PCDHGA6: variants seen among roughly 807,000 people sequenced by gnomAD.
PCDHGA6 encodes the protein protocadherin gamma-A6.
In PCDHGA6, 41 loss-of-function variants were observed where a neutral mutation model predicts 60.6. That is an observed-to-expected ratio of 0.68 (90% CI 0.53 to 0.88). The LOEUF (loss-of-function observed/expected upper bound fraction) is 0.88, where lower values mean the gene tolerates loss of function less well. Among genes scored for constraint, PCDHGA6 ranks in the 40% least tolerant of loss-of-function variants. PCDHGA6 has a pLI of 0.00. For synonymous variants in PCDHGA6, 594 were observed against 524.4 expected (o/e 1.13, Z -1.81); for missense variants, 1,312 against 1,203.0 (o/e 1.09, Z -1.34).
At chr5:141,427,198 T>G (rs1345851173) in intron 1 of PCDHGA6, 1 of 456,584 alleles carries the variant, frequency 2.2e-6, no homozygotes, top group African/African-American at 2.0e-5. Flanking sequence ...AAAGACTTAA[T>G]AGACTTCGAA....
At chr5:141,395,105 G>A in intron 1 of PCDHGA6, 1 of 1,614,220 alleles carries the variant, frequency 6.2e-7, no homozygotes, top group East Asian at 2.2e-5. Context: ...CCGACTCGCG[G>A]AAGAGTCACC....
At position 141,394,369 on chromosome 5, in the gene PCDHGA6, C is replaced by T. The variant is rs183754735; in HGVS notation, c.2424+17862C>T. On this transcript the variant is annotated intron_variant, in intron 1 of 3. Transcript: ENST00000517434. Reference sequence around the variant, plus strand: ...ACCGGTGTCCTGTATGCGCTGCAATCTTTCGACTATGAGCAGATCCGAGAC... The same window carrying T: ...ACCGGTGTCCTGTATGCGCTGCAATTTTTCGACTATGAGCAGATCCGAGAC... 3.7e-5 allele frequency: 59 copies of T among 1,614,206 alleles called. No homozygotes were observed. Among genetic ancestry groups the T allele is most frequent in the Middle Eastern group, 1.6e-4 (1 of 6,062 alleles).
intron 1 of PCDHGA6, among the ~76,000 whole-genome samples, chr5:141,436,701 A>C (rs571525375): frequency 6.9e-4 from 105 of 152,332 alleles, no homozygotes; most frequent in Non-Finnish European, 9.4e-4. Context: ...ATGCCAGCAC[A>C]CTCGATGTTC....
At chr5:141,421,520 A>G (rs749034718) in intron 1 of PCDHGA6, 2 of 1,614,068 alleles carry the variant, frequency 1.2e-6, no homozygotes, top group Non-Finnish European at 8.5e-7. Flanking sequence ...GAGCTCTGTG[A>G]GACGGTGTCC....
In PCDHGA6 at chr5:141,485,031, C is replaced by A; in HGVS notation, c.2425-9776C>A. On this transcript the variant is annotated intron_variant, in intron 1 of 3. Coordinates refer to ENST00000517434, the MANE Select transcript of PCDHGA6 (RefSeq NM_018919.3). The surrounding 1 kb of genome is among the most constrained non-coding windows in gnomAD (Gnocchi z 5.7). Reference sequence around the variant, plus strand: ...TACCCCGCCACCAGCAAAAACGGCGCGTAACCCTTGCGGCGCCGGCCGAAC... The same window carrying A: ...TACCCCGCCACCAGCAAAAACGGCGAGTAACCCTTGCGGCGCCGGCCGAAC... The A allele has an allele frequency of 1.5e-6, 1 of 680,514 alleles. No homozygotes were observed. Among genetic ancestry groups the A allele is most frequent in the South Asian group, 1.8e-5 (1 of 54,868 alleles). 42.2% of individuals were successfully genotyped at this position (680,514 alleles called of 1,614,324 possible). A position where few individuals can be genotyped will look rare whatever the true frequency, so the allele number is the denominator to read the frequency against.
At position 141,484,465 on chromosome 5, in the gene PCDHGA6, A is replaced by G. The variant is rs2099596840; in HGVS notation, c.2425-10342A>G. On this transcript the variant is annotated intron_variant, in intron 1 of 3. Coordinates refer to ENST00000517434, the MANE Select transcript of PCDHGA6 (RefSeq NM_018919.3). ...ATTTAATTGGCTACGTTAATGTGTA[A>G]GCCTTTTCTGCAAAGAGATGGATCC... is the stretch of plus-strand genomic sequence containing the variant. Among the ~76,000 whole-genome samples, 4 of 152,236 alleles carry G rather than the reference A, an allele frequency of 2.6e-5. No individual in the cohort carries two copies. In the South Asian group the frequency reaches 6.2e-4, roughly 24 times the overall value.
intron 1 of PCDHGA6, among the ~76,000 whole-genome samples, chr5:141,463,393 C>CA (rs955461719): frequency 5.7e-5 from 8 of 140,804 alleles, no homozygotes; most frequent in Non-Finnish European, 7.6e-5. Flanking sequence ...TGTCTCCAGG[C>CA]AAAAAAAATG....
chr5:141,506,162 C>T (rs1448735916), intron 3 of PCDHGA6, among the ~76,000 whole-genome samples: 1 of 152,124 alleles, frequency 6.6e-6, no homozygotes, highest in Non-Finnish European at 1.5e-5. Flanking sequence ...CTTAAGAGCA[C>T]AGCCTAAGCT....
At chr5:141,379,974 A>ACTGCAACTTC (rs1471397851) in intron 1 of PCDHGA6, among the ~76,000 whole-genome samples, 23 of 128,142 alleles carry the variant, frequency 1.8e-4, no homozygotes, top group African/African-American at 6.6e-4. Context: ...ATCTCTGCTC[A>ACTGCAACTTC]CTGCAACTTC....
chr5:141,388,886 A>G (rs542218864), intron 1 of PCDHGA6: 1 of 1,613,988 alleles, frequency 6.2e-7, no homozygotes, highest in Non-Finnish European at 8.5e-7. Flanking sequence ...TGGAGGTAGA[A>G]GTCATAGATG....
At chr5:141,429,169 T>TACACACACACACACACACAAAC (rs2097191391) in intron 1 of PCDHGA6, 1 of 145,394 alleles carries the variant, frequency 6.9e-6, no homozygotes, top group East Asian at 2.0e-4. Flanking sequence ...ACATTGTTTA[T>TACACACACACACACACACAAAC]ACACACACAC....
intron 1 of PCDHGA6, among the ~76,000 whole-genome samples, chr5:141,461,819 A>G (rs573339238): frequency 1.3e-5 from 2 of 149,282 alleles, no homozygotes; most frequent in African/African-American, 2.5e-5. Flanking sequence ...ACACCCAGCT[A>G]ATTTTTTTTT....
chr5:141,384,102 T>C, intron 1 of PCDHGA6: 1 of 1,599,484 alleles, frequency 6.3e-7, no homozygotes, highest in Non-Finnish European at 8.5e-7. Context: ...TAGATAATTA[T>C]TATAGATTGG....
chr5:141,385,264 G>T (rs879420336), intron 1 of PCDHGA6: 21 of 1,613,712 alleles, frequency 1.3e-5, no homozygotes, highest in Non-Finnish European at 1.6e-5. Flanking sequence ...TGAGAAAAAT[G>T]ATTCTTTGCT....
intron 1 of PCDHGA6, among the ~76,000 whole-genome samples, chr5:141,457,459 CA>C (rs1402759850): frequency 6.6e-6 from 1 of 152,166 alleles, no homozygotes; most frequent in Non-Finnish European, 1.5e-5. Context: ...CCACTTGATT[CA>C]CAGGAATAAG....
rs1408938686 is a variant in PCDHGA6 at position 141,398,777 on chromosome 5, G to A, written c.2424+22270G>A. On this transcript the variant is annotated intron_variant, in intron 1 of 3. Transcript: ENST00000517434. ...CGTTTAGTCCTGACTGCCTTGGACG[G>A]TGGACATCCACCCCTAAGCGGCACC... is the stretch of plus-strand genomic sequence containing the variant. The A allele has an allele frequency of 3.1e-6, 5 of 1,613,902 alleles. 1 individual carries two copies. The South Asian group carries it at 3.3e-5, about 11-fold the overall frequency.
Position 141,486,390 on chromosome 5 carries a change from C to G in PCDHGA6, c.2425-8417C>G. 6.2e-7 allele frequency: 1 copy of G among 1,614,138 alleles called. No individual in the cohort carries two copies. The highest frequency in any genetic ancestry group is 8.5e-7 in the Non-Finnish European group (1 of 1,179,996). Reference sequence around the variant, plus strand: ...AAGTCTGCCTTCAGGAACCAGTTCTCCCTGGTGACTGCTGGACCCTTGGAT... The same window carrying G: ...AAGTCTGCCTTCAGGAACCAGTTCTGCCTGGTGACTGCTGGACCCTTGGAT... On this transcript the variant is annotated intron_variant, in intron 1 of 3. Coordinates refer to ENST00000517434, the MANE Select transcript of PCDHGA6 (RefSeq NM_018919.3). This position sits in a 1 kb window ranked among gnomAD's most constrained non-coding sequence, Gnocchi z 5.0.
chr5:141,508,269 C>G (rs1459186158), intron 3 of PCDHGA6: 1 of 152,186 alleles, frequency 6.6e-6, no homozygotes, highest in Non-Finnish European at 1.5e-5. Flanking sequence ...GAGAAAATCC[C>G]GGTCCTTGAC....
chr5:141,432,481 C>G lies in PCDHGA6; in HGVS notation c.2424+55974C>G. 6.2e-7 allele frequency: 1 copy of G among 1,614,198 alleles called. No homozygotes were observed. On this transcript the variant is annotated intron_variant, in intron 1 of 3. Coordinates refer to ENST00000517434, the MANE Select transcript of PCDHGA6 (RefSeq NM_018919.3). This position sits in a 1 kb window ranked among gnomAD's most constrained non-coding sequence, Gnocchi z 6.0. ...CCCTCCCCACGGACGGTTCCACTGG[C>G]GTGGAGCTGGCTCCCCGCTCCGCAG...
Sources: gnomAD v4.1 joint callset for allele counts (sites outside exome capture counted in the v4.1 genomes callset) on GRCh38, gnomAD v4.1.1 for gene constraint, Gnocchi (gnomAD v3.1) non-coding constraint, MANE v1.5 for transcripts, NCBI Gene and HGNC (gene_info 2026-07-23, HGNC 2026-07-21) for gene names.